ASAP2: variants seen among roughly 807,000 people sequenced by gnomAD.
ASAP2 encodes ArfGAP with SH3 domain, ankyrin repeat and PH domain 2, also known as arf-GAP with SH3 domain, ANK repeat and PH domain-containing protein 2.
In ASAP2, 45 loss-of-function variants were observed where a neutral mutation model predicts 131.4. The observed-to-expected ratio is 0.34, with a 90% CI of 0.27 to 0.44. The LOEUF is 0.44. ASAP2 is among the 20% of genes least tolerant of loss of function. The pLI, the probability that ASAP2 is intolerant of heterozygous loss-of-function variation, is 1.00. For synonymous variants in ASAP2, 510 were observed against 503.0 expected (o/e 1.01, Z -0.19); for missense variants, 1,011 against 1,297.0 (o/e 0.78, Z 3.39).
chr2:9,308,722 T>C (rs1669107554), intron 3 of ASAP2, among the ~76,000 whole-genome samples: 1 of 152,142 alleles, frequency 6.6e-6, no homozygotes, highest in South Asian at 2.1e-4. Flanking sequence ...GCTTCACTGT[T>C]CTAGCCAACT....
At chr2:9,282,314 C>T (rs1265631835) in intron 2 of ASAP2, among the ~76,000 whole-genome samples, 2 of 152,146 alleles carry the variant, frequency 1.3e-5, no homozygotes, top group Non-Finnish European at 2.9e-5. Context: ...AGAGCCTGAT[C>T]CTGAAATCTT....
intron 2 of ASAP2, among the ~76,000 whole-genome samples, chr2:9,286,988 A>G (rs1171773347): frequency 1.3e-5 from 2 of 152,252 alleles, no homozygotes; most frequent in Non-Finnish European, 2.9e-5. Context: ...ACTTTATGTG[A>G]ATTCCATCCT....
rs1269874523 is a variant in ASAP2 at position 9,403,368 on chromosome 2, T to G, written c.*41T>G. On this transcript the variant is annotated 3_prime_UTR_variant, in exon 28 of 28. Coordinates refer to ENST00000281419, the MANE Select transcript of ASAP2 (RefSeq NM_003887.3). ...AAGCATTAACAGTTATGTTCCTGTTTCGTTATTGGTACCAAAACTCTTGCC... is the reference window on the plus strand; with the variant it reads ...AAGCATTAACAGTTATGTTCCTGTTGCGTTATTGGTACCAAAACTCTTGCC... 3.1e-6 allele frequency: 5 copies of G among 1,589,016 alleles called. No individual in the cohort carries two copies. The East Asian group carries it at 8.9e-5, about 28-fold the overall frequency.
chr2:9,400,219 TCCCCTCCTGCCC>T lies in ASAP2; in HGVS notation c.2734+150_2734+161del, dbSNP rs1558405795. 66 of 453,380 alleles carry T rather than the reference TCCCCTCCTGCCC, an allele frequency of 1.5e-4. 1 individual carries two copies. The highest frequency in any genetic ancestry group is 3.4e-4 in the Admixed American group (8 of 23,660). 28.1% of individuals were successfully genotyped at this position (453,380 alleles called of 1,614,324 possible). A position where few individuals can be genotyped will look rare whatever the true frequency, so the allele number is the denominator to read the frequency against. ...TCCTGCCCCCTCCCCTCCTGCCCCC[TCCCCTCCTGCCC>T]CCTCCCCTCCTGCCCCCTTCCCCTC... On this transcript the variant is annotated intron_variant, in intron 25 of 27. Coordinates refer to ENST00000281419, the MANE Select transcript of ASAP2 (RefSeq NM_003887.3).
At chr2:9,396,330 A>G (rs1322994974) in intron 24 of ASAP2, among the ~76,000 whole-genome samples, 1 of 152,102 alleles carries the variant, frequency 6.6e-6, no homozygotes, top group Admixed American at 6.5e-5. Flanking sequence ...GCTGGAGTAC[A>G]GTGGTGTGAT....
chr2:9,342,308 G>A (rs1257299888), intron 9 of ASAP2, among the ~76,000 whole-genome samples: 2 of 152,354 alleles, frequency 1.3e-5, no homozygotes, highest in East Asian at 3.9e-4. Context: ...ACTGGCATAA[G>A]GAGAGACATA....
chr2:9,317,632 ACC>A (rs1191041002), intron 3 of ASAP2, among the ~76,000 whole-genome samples: 5 of 150,256 alleles, frequency 3.3e-5, no homozygotes, highest in Admixed American at 1.3e-4. Context: ...ACCCACACAC[ACC>A]CATACACACA....
At chr2:9,398,115 AAAT>A (rs1198755832) in intron 24 of ASAP2, among the ~76,000 whole-genome samples, 1 of 152,018 alleles carries the variant, frequency 6.6e-6, no homozygotes, top group Non-Finnish European at 1.5e-5. Flanking sequence ...AGCACTCAGA[AAAT>A]ATTATTGGAA....
At chr2:9,224,997 G>A (rs1181800079) in intron 1 of ASAP2, among the ~76,000 whole-genome samples, 3 of 152,242 alleles carry the variant, frequency 2.0e-5, no homozygotes, top group Non-Finnish European at 4.4e-5. Flanking sequence ...AGGTGCGTAA[G>A]TTGGAACATT....
At chr2:9,221,277 T>C (rs1255379047) in intron 1 of ASAP2, among the ~76,000 whole-genome samples, 1 of 151,776 alleles carries the variant, frequency 6.6e-6, no homozygotes, top group East Asian at 1.9e-4. Context: ...TATCATAACC[T>C]CTTCTATCTA....
At chr2:9,210,082 A>G (rs1383569793) in intron 1 of ASAP2, among the ~76,000 whole-genome samples, 5 of 152,230 alleles carry the variant, frequency 3.3e-5, no homozygotes, top group Non-Finnish European at 1.5e-5. Context: ...TAGGCGAGGA[A>G]ATTGAGGCTC....
chr2:9,318,806 G>A (rs556170557), intron 4 of ASAP2, among the ~76,000 whole-genome samples: 1 of 152,228 alleles, frequency 6.6e-6, no homozygotes, highest in African/African-American at 2.4e-5. Context: ...CGTCCTGTTG[G>A]CACAACAAAG....
intron 11 of ASAP2, among the ~76,000 whole-genome samples, chr2:9,348,991 G>A (rs186003907): frequency 2.6e-5 from 4 of 152,222 alleles, no homozygotes; most frequent in Non-Finnish European, 4.4e-5. Context: ...TAGCTTCCCC[G>A]CTCCCTAGCT....
At chr2:9,385,903 C>G (rs1396361733) in intron 21 of ASAP2, among the ~76,000 whole-genome samples, 1 of 152,250 alleles carries the variant, frequency 6.6e-6, no homozygotes, top group Non-Finnish European at 1.5e-5. Context: ...GCCTCCTCCT[C>G]CAGCTCCCTT....
chr2:9,395,457 A>G (rs757499987), intron 24 of ASAP2, among the ~76,000 whole-genome samples: 6 of 152,078 alleles, frequency 3.9e-5, no homozygotes, highest in Non-Finnish European at 7.4e-5. Context: ...CCTGGGCAAC[A>G]AGAATGAAAC....
intron 9 of ASAP2, among the ~76,000 whole-genome samples, chr2:9,337,963 G>GT (rs1259511168): frequency 6.6e-6 from 1 of 152,206 alleles, no homozygotes; most frequent in Non-Finnish European, 1.5e-5. Context: ...GTACCATAGT[G>GT]TTTGATTTTT....
At chr2:9,376,121 A>G (rs2148720361) in intron 17 of ASAP2, among the ~76,000 whole-genome samples, 1 of 152,358 alleles carries the variant, frequency 6.6e-6, no homozygotes, top group East Asian at 1.9e-4. Context: ...TCTTGGTAAC[A>G]GGCATGTCCG....
chr2:9,310,852 C>T (rs914676371), intron 3 of ASAP2, among the ~76,000 whole-genome samples: 1 of 152,218 alleles, frequency 6.6e-6, no homozygotes, highest in African/African-American at 2.4e-5. Context: ...TGGCTCTGTT[C>T]CCCTCCTCTG....
Position 9,331,224 on chromosome 2 carries a change from C to T in ASAP2, c.686+3313C>T, listed in dbSNP as rs77878163. Among the ~76,000 whole-genome samples, 1,486 of 152,328 alleles carry T rather than the reference C, an allele frequency of 9.8e-3. 29 individuals carry two copies. Among genetic ancestry groups the T allele is most frequent in the African/African-American group, 0.034 (1,412 of 41,566 alleles). ...ACTGTGTAAACCAGATTCCAGGGCT[C>T]AGGTTTGGCTGTTGACCCTTGGAAC... On this transcript the variant is annotated intron_variant, in intron 7 of 27. Coordinates refer to ENST00000281419, the MANE Select transcript of ASAP2 (RefSeq NM_003887.3).
Sources: gnomAD v4.1 joint callset for allele counts (sites outside exome capture counted in the v4.1 genomes callset) on GRCh38, gnomAD v4.1.1 for gene constraint, MANE v1.5 for transcripts, NCBI Gene and HGNC (gene_info 2026-07-23, HGNC 2026-07-21) for gene names.